ATXN7: variants seen among roughly 807,000 people sequenced by gnomAD.
The protein encoded by ATXN7 is ataxin-7.
ATXN7 carries 12 observed loss-of-function variants against 70.5 expected under a neutral mutation model. That is an observed-to-expected ratio of 0.17 (90% CI 0.11 to 0.28). The LOEUF (loss-of-function observed/expected upper bound fraction) is 0.28, where lower values mean the gene tolerates loss of function less well. Among genes scored for constraint, ATXN7 ranks in the 10% least tolerant of loss-of-function variants. ATXN7 has a pLI of 1.00. For missense variants in ATXN7, 1,256 were observed against 1,131.7 expected (o/e 1.11, Z -1.58); for synonymous variants, 498 against 448.7 (o/e 1.11, Z -1.39).
chr3:63,998,114 C>T (rs1403762180), intron 12 of ATXN7: 8 of 984,038 alleles, frequency 8.1e-6, no homozygotes, highest in Admixed American at 6.2e-5. Context: ...CTGTAATGTC[C>T]ATCTCACATC....
chr3:63,971,571 A>G (rs1313110429), intron 5 of ATXN7, among the ~76,000 whole-genome samples: 2 of 152,210 alleles, frequency 1.3e-5, no homozygotes, highest in Non-Finnish European at 2.9e-5. Context: ...CAACAATGAA[A>G]GTAGTGAGGA....
chr3:63,864,297 G>A (rs1702333913), intron 1 of ATXN7, among the ~76,000 whole-genome samples, 139 bp downstream of exon 1: 1 of 151,902 alleles, frequency 6.6e-6, no homozygotes, highest in Admixed American at 6.5e-5. Flanking sequence ...GCTAGGGGTG[G>A]GCTCGTTTCC....
At chr3:63,959,605 C>T (rs2075092054) in intron 5 of ATXN7, among the ~76,000 whole-genome samples, 3 of 152,038 alleles carry the variant, frequency 2.0e-5, no homozygotes, top group Admixed American at 1.3e-4. Context: ...TGAAAAAATG[C>T]TAATTAAATT....
chr3:63,975,935 G>T (rs1285686623), intron 5 of ATXN7, among the ~76,000 whole-genome samples: 2 of 152,162 alleles, frequency 1.3e-5, no homozygotes, highest in African/African-American at 2.4e-5. Flanking sequence ...TTGTCTGTCA[G>T]TCGGCCTGTC....
chr3:63,962,908 C>CTATTTTTTTTTTT (rs1553691654), intron 5 of ATXN7, among the ~76,000 whole-genome samples: 1 of 136,344 alleles, frequency 7.3e-6, no homozygotes, highest in Non-Finnish European at 1.6e-5. Context: ...TTTTGTATTT[C>CTATTTTTTTTTTT]TTTTTTTTTT....
chr3:63,889,776 T>C (rs1051446635), intron 1 of ATXN7, among the ~76,000 whole-genome samples: 1 of 152,240 alleles, frequency 6.6e-6, no homozygotes, highest in Non-Finnish European at 1.5e-5. Context: ...CCAGAATTCA[T>C]GTTCCTGAGG....
intron 1 of ATXN7, among the ~76,000 whole-genome samples, chr3:63,868,322 C>G (rs1702495563): frequency 6.6e-6 from 1 of 152,170 alleles, no homozygotes; most frequent in Admixed American, 6.5e-5. Context: ...CTGCTTGACT[C>G]TTCAGTTACT....
chr3:63,972,899 G>C (rs1193792887), intron 5 of ATXN7, among the ~76,000 whole-genome samples: 1 of 152,186 alleles, frequency 6.6e-6, no homozygotes, highest in African/African-American at 2.4e-5. Context: ...GGTGTTATTT[G>C]TGAGTACTTT....
intron 4 of ATXN7, among the ~76,000 whole-genome samples, chr3:63,930,177 TA>T (rs1343267009): frequency 2.0e-5 from 3 of 152,224 alleles, no homozygotes; most frequent in Non-Finnish European, 4.4e-5. Context: ...CTTGATTTGG[TA>T]AAATTTACCA....
intron 1 of ATXN7, among the ~76,000 whole-genome samples, chr3:63,867,626 A>G (rs1375839525): frequency 6.6e-6 from 1 of 152,194 alleles, no homozygotes; most frequent in African/African-American, 2.4e-5. Flanking sequence ...TTGAGAGGCC[A>G]AGGCGGGTGG....
intron 1 of ATXN7, among the ~76,000 whole-genome samples, chr3:63,870,650 G>A (rs1037172687): frequency 4.6e-5 from 7 of 152,260 alleles, no homozygotes; most frequent in East Asian, 3.9e-4. Context: ...CCTCTCAGAT[G>A]TGATGGTTTT....
At chr3:63,925,894 C>T (rs969528513) in intron 4 of ATXN7, among the ~76,000 whole-genome samples, 4 of 152,042 alleles carry the variant, frequency 2.6e-5, no homozygotes, top group African/African-American at 7.3e-5. Flanking sequence ...GCAGCCTTGG[C>T]AGGTAGGTAG....
chr3:63,925,583 A>G lies in ATXN7; in HGVS notation c.394+12358A>G, dbSNP rs571976025. On this transcript the variant is annotated intron_variant, in intron 4 of 12. Transcript: ENST00000674280. ...CTGGTCAGTGGAAAAATTGTCTTCC[A>G]CGAAACTGGTCTCTGGTGTCATAAA... Among the ~76,000 whole-genome samples, 13 of 152,166 alleles carry G rather than the reference A, an allele frequency of 8.5e-5. No individual in the cohort carries two copies. The East Asian group carries it at 1.7e-3, about 20-fold the overall frequency.
At chr3:63,988,374 C>G (rs1052955643) in intron 9 of ATXN7, 50 bp downstream of exon 9, 12 of 1,603,266 alleles carry the variant, frequency 7.5e-6, no homozygotes, top group Admixed American at 1.7e-5. Context: ...ATGAGACTTG[C>G]AGATACTGTA....
At chr3:63,864,680 C>G (rs1284236546) in intron 1 of ATXN7, 1 of 152,182 alleles carries the variant, frequency 6.6e-6, no homozygotes, top group Non-Finnish European at 1.5e-5. Context: ...CGTCGGTGAT[C>G]GTGATGGGGT....
intron 1 of ATXN7, among the ~76,000 whole-genome samples, chr3:63,872,316 C>T (rs934437089): frequency 6.6e-6 from 1 of 152,226 alleles, no homozygotes; most frequent in Non-Finnish European, 1.5e-5. Context: ...AAACACATAC[C>T]ATTTTATTTG....
intron 4 of ATXN7, among the ~76,000 whole-genome samples, chr3:63,942,759 C>T (rs2107366882): frequency 6.6e-6 from 1 of 152,174 alleles, no homozygotes; most frequent in East Asian, 1.9e-4. Context: ...ATAGCACATG[C>T]TCCATGCCAA....
rs2075799661 is a variant in ATXN7, at chr3:63,998,720, G to A, written c.2662-730G>A. 14 of 976,548 alleles carry A rather than the reference G, an allele frequency of 1.4e-5. 1 individual carries two copies. In the South Asian group the frequency reaches 6.6e-4, roughly 46 times the overall value. The allele number at this position is 976,548 out of a possible 1,614,324, so 60.5% of individuals were successfully genotyped here. A position where few individuals can be genotyped will look rare whatever the true frequency, so the allele number is the denominator to read the frequency against. On this transcript the variant is annotated intron_variant, in intron 12 of 12. Coordinates refer to ENST00000674280, the MANE Select transcript of ATXN7 (RefSeq NM_001377405.1). ...AAGTATTGCACATTTTTATGTCTTT[G>A]TTCATTTATCGTATAGCTTTCATAA...
At chr3:63,940,495 A>G (rs1173264005) in intron 4 of ATXN7, among the ~76,000 whole-genome samples, 1 of 152,198 alleles carries the variant, frequency 6.6e-6, no homozygotes, top group Non-Finnish European at 1.5e-5. Context: ...TGGTGTTGCA[A>G]TGAACAAAAG....
Sources: gnomAD v4.1 joint callset for allele counts (sites outside exome capture counted in the v4.1 genomes callset) on GRCh38, gnomAD v4.1.1 for gene constraint, MANE v1.5 for transcripts, NCBI Gene and HGNC (gene_info 2026-07-23, HGNC 2026-07-21) for gene names.